The following CSNK1A1 variants were observed in gnomAD, a reference collection of about 807,000 sequenced individuals.
The protein encoded by CSNK1A1 is casein kinase I isoform alpha.
CSNK1A1 carries 7 observed loss-of-function variants against 46.1 expected under a neutral mutation model. The ratio of observed to expected loss-of-function variants is 0.15; its 90% CI spans 0.09 to 0.29. The LOEUF (loss-of-function observed/expected upper bound fraction) is 0.29. CSNK1A1 is among the 10% of genes least tolerant of loss of function. The pLI, the probability that CSNK1A1 is intolerant of heterozygous loss-of-function variation, is 1.00. For synonymous variants in CSNK1A1, 137 were observed against 141.5 expected (o/e 0.97, Z 0.23); for missense variants, 96 against 417.1 (o/e 0.23, Z 6.71).
intron 4 of CSNK1A1, among the ~76,000 whole-genome samples, chr5:149,513,410 A>T (rs114521283): frequency 0.053 from 8,132 of 152,218 alleles, 502 homozygotes; most frequent in East Asian, 0.18. Context: ...AGTTAAAAAA[A>T]AAAAGTCTAG....
chr5:149,541,312 C>T (rs1762223029), intron 2 of CSNK1A1, among the ~76,000 whole-genome samples: 1 of 151,642 alleles, frequency 6.6e-6, no homozygotes, highest in South Asian at 2.1e-4. Context: ...GCCACCATGG[C>T]CAGCTAATTT....
intron 5 of CSNK1A1, among the ~76,000 whole-genome samples, chr5:149,512,214 A>C (rs1761246847): frequency 1.3e-5 from 2 of 152,180 alleles, no homozygotes; most frequent in African/African-American, 4.8e-5. Flanking sequence ...AAAAAACTTC[A>C]GAAGTACTGA....
chr5:149,520,172 C>A, intron 4 of CSNK1A1, 118 bp downstream of exon 4: 1 of 606,732 alleles, frequency 1.6e-6, no homozygotes. Context: ...TCTTTTAAAG[C>A]AACTGTCAAC....
chr5:149,544,597 C>A (rs1051721173), intron 2 of CSNK1A1, among the ~76,000 whole-genome samples: 1 of 151,346 alleles, frequency 6.6e-6, no homozygotes, highest in Non-Finnish European at 1.5e-5. Context: ...AAACTCAATA[C>A]AGCTGACCCT....
rs565267160 is a variant in CSNK1A1 at position 149,508,071 on chromosome 5, C to A, written c.751-938G>T. ...TATATCTCCTCTCCTAGAGTAAATG[C>A]CAATGTGGAGAGTGGTAAAGTTAAA... is the stretch of plus-strand genomic sequence containing the variant. On this transcript the variant is annotated intron_variant, in intron 7 of 9. Coordinates refer to ENST00000377843, the MANE Select transcript of CSNK1A1 (RefSeq NM_001892.6). Among the ~76,000 whole-genome samples, 6 of 152,186 alleles carry A rather than the reference C, an allele frequency of 3.9e-5. No homozygotes were observed. The South Asian group carries it at 1.2e-3, about 32-fold the overall frequency.
chr5:149,522,698 T>C (rs1472472543), intron 3 of CSNK1A1, among the ~76,000 whole-genome samples: 1 of 152,244 alleles, frequency 6.6e-6, no homozygotes, highest in Non-Finnish European at 1.5e-5. Flanking sequence ...GAGCAAGACT[T>C]AGGTGTCAAC....
intron 9 of CSNK1A1, chr5:149,503,044 GC>G: frequency 3.1e-6 from 3 of 982,522 alleles, no homozygotes; most frequent in Non-Finnish European, 2.4e-6. Flanking sequence ...GGGATAACAG[GC>G]GTGAGCCACT....
intron 8 of CSNK1A1, 37 bp from the exon 9 acceptor site, chr5:149,505,632 T>C (rs762534270): frequency 1.3e-6 from 2 of 1,569,624 alleles, no homozygotes; most frequent in South Asian, 2.2e-5. Context: ...AATCCTTTAA[T>C]AACAGAGTCC....
chr5:149,510,610 T>C (rs942530488), intron 6 of CSNK1A1, among the ~76,000 whole-genome samples: 9 of 151,988 alleles, frequency 5.9e-5, no homozygotes, highest in East Asian at 3.9e-4. Context: ...TCCTGAGTAA[T>C]TGGGGCTACA....
chr5:149,510,653 T>C (rs2113084685), intron 6 of CSNK1A1, among the ~76,000 whole-genome samples: 1 of 151,996 alleles, frequency 6.6e-6, no homozygotes, highest in South Asian at 2.1e-4. Flanking sequence ...TATTTTTTTT[T>C]TTTAAAGTAG....
At chr5:149,545,376 G>A (rs569531705) in intron 2 of CSNK1A1, 13 of 449,240 alleles carry the variant, frequency 2.9e-5, no homozygotes, top group African/African-American at 1.8e-4. Context: ...TTGGCAGACA[G>A]AGATACCTAC....
rs1762332399 is a variant in CSNK1A1 at position 149,542,668 on chromosome 5, A to ATG, written c.230+7406_230+7407insCA. Among the ~76,000 whole-genome samples, 11 of 11,688 alleles carry ATG rather than the reference A, an allele frequency of 9.4e-4. 2 individuals carry two copies. The highest frequency in any genetic ancestry group is 3.8e-3 in the East Asian group (1 of 262). 7.7% of individuals were successfully genotyped at this position (11,688 alleles called of 152,430 possible). A position where few individuals can be genotyped will look rare whatever the true frequency, so the allele number is the denominator to read the frequency against. ...TATATATATATATATATATATATAT[A>ATG]TATGTATATATATATATATATATAT... is the stretch of plus-strand genomic sequence containing the variant. On this transcript the variant is annotated intron_variant, in intron 2 of 9. Transcript: ENST00000377843.
At chr5:149,511,215 G>C (rs1452492811) in intron 6 of CSNK1A1, among the ~76,000 whole-genome samples, 1 of 152,114 alleles carries the variant, frequency 6.6e-6, no homozygotes, top group Non-Finnish European at 1.5e-5. Context: ...TGTAGTCCCA[G>C]CTACAGGTAG....
chr5:149,518,526 G>A (rs1019478769), intron 4 of CSNK1A1, among the ~76,000 whole-genome samples: 2 of 151,942 alleles, frequency 1.3e-5, no homozygotes, highest in African/African-American at 4.8e-5. Flanking sequence ...CTACAATACA[G>A]AAAACACTAA....
intron 9 of CSNK1A1, among the ~76,000 whole-genome samples, chr5:149,499,958 T>C (rs1760772744): frequency 2.5e-5 from 2 of 81,506 alleles, no homozygotes; most frequent in Non-Finnish European, 5.3e-5. Context: ...GGGTTTTTTT[T>C]CTTTTTTTCT....
At chr5:149,542,666 ATATATGTATATATATATATATATATATTT>A (rs1762331576) in intron 2 of CSNK1A1, among the ~76,000 whole-genome samples, 2 of 7,576 alleles carry the variant, frequency 2.6e-4, no homozygotes, top group African/African-American at 1.3e-3. Flanking sequence ...ATATATATAT[ATATATGTATATATATATATATATATATTT>A]TTTTTTTTTT....
rs148456378 is a variant in CSNK1A1, at chr5:149,542,171, C to T, written c.230+7904G>A. 5.9e-4 allele frequency among the ~76,000 whole-genome samples: 89 copies of T among 151,786 alleles called. 1 individual carries two copies. Among genetic ancestry groups the T allele is most frequent in the Middle Eastern group, 3.4e-3 (1 of 294 alleles). ...CAACAGAATTAGATTCTCATAGGAA[C>T]GCAAACCCTGCTGTGAACTGCACAT... On this transcript the variant is annotated intron_variant, in intron 2 of 9. Coordinates refer to ENST00000377843, the MANE Select transcript of CSNK1A1 (RefSeq NM_001892.6).
Position 149,550,975 on chromosome 5 carries a change from G to C in CSNK1A1, c.-11C>G, listed in dbSNP as rs1388738186. 1.2e-6 allele frequency: 2 copies of C among 1,613,790 alleles called. No homozygotes were observed. The highest frequency in any genetic ancestry group is 1.7e-5 in the Admixed American group (1 of 60,026). ...GCTGCTACTCGCCATCCTGAGAGAC[G>C]AAGATGGAGGCTGGGGCCAAGCCCC... On this transcript the variant is annotated 5_prime_UTR_variant, in exon 1 of 10. Coordinates refer to ENST00000377843, the MANE Select transcript of CSNK1A1 (RefSeq NM_001892.6). This position sits in a 1 kb window ranked among gnomAD's most constrained non-coding sequence, Gnocchi z 4.3.
intron 9 of CSNK1A1, among the ~76,000 whole-genome samples, chr5:149,500,602 T>G (rs1385975980): frequency 6.6e-6 from 1 of 152,018 alleles, no homozygotes; most frequent in Non-Finnish European, 1.5e-5. Context: ...TTTTTAAAAT[T>G]ATTTAAAATA....
Sources: gnomAD v4.1 joint callset for allele counts (sites outside exome capture counted in the v4.1 genomes callset) on GRCh38, gnomAD v4.1.1 for gene constraint, Gnocchi (gnomAD v3.1) non-coding constraint, MANE v1.5 for transcripts, NCBI Gene and HGNC (gene_info 2026-07-23, HGNC 2026-07-21) for gene names.